The following STK32B variants were observed in gnomAD, a reference collection of about 807,000 sequenced individuals.
STK32B encodes the protein serine/threonine kinase 32B.
In STK32B, 43 loss-of-function variants were observed where a neutral mutation model predicts 52.6. The ratio of observed to expected loss-of-function variants is 0.82; its 90% CI spans 0.64 to 1.05. STK32B has a LOEUF of 1.05. Ranked by LOEUF, STK32B falls within the 50% of genes least tolerant of loss-of-function variation. The probability of loss-of-function intolerance (pLI) is 0.00; values close to 1 mark genes in which losing one functional copy is unlikely to be tolerated. For synonymous variants in STK32B, 238 were observed against 204.3 expected, an observed-to-expected ratio of 1.17 and a Z score of -1.41; for missense variants, 621 against 534.6, an observed-to-expected ratio of 1.16 and a Z score of -1.59.
In STK32B at chr4:5,437,154, G is replaced by A. The variant is rs1476128403; in HGVS notation, c.563-9519G>A. 2.6e-5 allele frequency among the ~76,000 whole-genome samples: 4 copies of A among 152,344 alleles called. No individual in the cohort carries two copies. In the East Asian group the frequency reaches 5.8e-4, roughly 22 times the overall value. Reference sequence around the variant, plus strand: ...GACCCTGGAGTCAGAAAACCAAGAGGTGCTAATCCCAGCTCTGCTGTGCTA... The same window carrying A: ...GACCCTGGAGTCAGAAAACCAAGAGATGCTAATCCCAGCTCTGCTGTGCTA... On this transcript the variant is annotated intron_variant, in intron 6 of 11. Transcript: ENST00000282908.
At chr4:5,307,494 G>GT (rs908735763) in intron 3 of STK32B, among the ~76,000 whole-genome samples, 4 of 143,566 alleles carry the variant, frequency 2.8e-5, no homozygotes, top group African/African-American at 7.8e-5. Context: ...AGTGGTGATT[G>GT]TTTTTTATTT....
chr4:5,323,644 A>G (rs1731673346), intron 3 of STK32B, among the ~76,000 whole-genome samples: 1 of 152,142 alleles, frequency 6.6e-6, no homozygotes, highest in Non-Finnish European at 1.5e-5. Context: ...ACAATGCCCC[A>G]CTTCTGTGTA....
intron 3 of STK32B, among the ~76,000 whole-genome samples, chr4:5,241,896 G>A (rs191304343): frequency 6.6e-6 from 1 of 152,272 alleles, no homozygotes; most frequent in African/African-American, 2.4e-5. Context: ...TCCCTACAAA[G>A]GACATGAACT....
At chr4:5,223,609 C>T (rs914435215) in intron 3 of STK32B, among the ~76,000 whole-genome samples, 42 of 151,744 alleles carry the variant, frequency 2.8e-4, no homozygotes, top group African/African-American at 2.4e-4. Context: ...GTCAGGAGAT[C>T]GAGACCATCC....
intron 4 of STK32B, among the ~76,000 whole-genome samples, chr4:5,333,752 G>A (rs1207897475): frequency 6.6e-6 from 1 of 152,124 alleles, no homozygotes; most frequent in Non-Finnish European, 1.5e-5. Flanking sequence ...CCCATTGCTT[G>A]TTTTTCTCAG....
At chr4:5,070,616 G>T (rs1451093437) in intron 1 of STK32B, among the ~76,000 whole-genome samples, 2 of 152,144 alleles carry the variant, frequency 1.3e-5, no homozygotes, top group Non-Finnish European at 2.9e-5. Flanking sequence ...AGTTGTTAGG[G>T]TGGGCCCAAT....
upstream of STK32B, among the ~76,000 whole-genome samples, chr4:5,046,990 A>G (rs938758508): frequency 6.6e-6 from 1 of 152,226 alleles, no homozygotes; most frequent in African/African-American, 2.4e-5. Flanking sequence ...ATTATTGGGT[A>G]TATACCCAAA....
chr4:5,423,752 G>T (rs1712837914), intron 6 of STK32B, among the ~76,000 whole-genome samples: 2 of 152,152 alleles, frequency 1.3e-5, no homozygotes, highest in African/African-American at 4.8e-5. Flanking sequence ...CCAAATGTCA[G>T]TTCCCTTCCC....
At chr4:5,033,768 G>T in the STK32B span, among the ~76,000 whole-genome samples, 1 of 152,168 alleles carries the variant, frequency 6.6e-6, no homozygotes, top group Non-Finnish European at 1.5e-5. Flanking sequence ...TACTTGAAAC[G>T]CTGAGGCTGG....
chr4:5,190,288 C>T (rs968875245), intron 3 of STK32B, among the ~76,000 whole-genome samples: 35 of 152,226 alleles, frequency 2.3e-4, no homozygotes, highest in Non-Finnish European at 3.7e-4. Context: ...TTATTAAGCA[C>T]TTATGGGGTA....
chr4:5,323,125 A>C (rs1333717297), intron 3 of STK32B, among the ~76,000 whole-genome samples: 10 of 152,114 alleles, frequency 6.6e-5, no homozygotes, highest in African/African-American at 2.2e-4. Context: ...TCTCGATTTT[A>C]GGACTAATTG....
rs1289491582 is a variant in STK32B at position 5,380,693 on chromosome 4, A to G, written c.435-17514A>G. On this transcript the variant is annotated intron_variant, in intron 4 of 11. Coordinates refer to ENST00000282908, the MANE Select transcript of STK32B (RefSeq NM_018401.3). This position sits in a 1 kb window ranked among gnomAD's most constrained non-coding sequence, Gnocchi z 4.3. ...TTTGATTTAATGCCCGGTACTTGCC[A>G]TCGTGAAATCCTTAAAGCTTTGAAC... is the stretch of plus-strand genomic sequence containing the variant. Among the ~76,000 whole-genome samples, 1 of 152,220 alleles carries G rather than the reference A, an allele frequency of 6.6e-6. No individual in the cohort carries two copies. Among genetic ancestry groups the G allele is most frequent in the Non-Finnish European group, 1.5e-5 (1 of 68,042 alleles).
At chr4:5,193,617 A>C (rs1285432141) in intron 3 of STK32B, among the ~76,000 whole-genome samples, 1 of 152,168 alleles carries the variant, frequency 6.6e-6, no homozygotes, top group Non-Finnish European at 1.5e-5. Flanking sequence ...AGTCGGTGCC[A>C]ATGTCCTGGC....
Position 5,394,440 on chromosome 4 carries a change from G to A in STK32B, c.435-3767G>A, listed in dbSNP as rs146316128. Reference sequence around the variant, plus strand: ...AGCTGGAGGAAACGGTCCTGAAACTGGCTAAACTAAAGGCTCTGCTAAGAT... The same window carrying A: ...AGCTGGAGGAAACGGTCCTGAAACTAGCTAAACTAAAGGCTCTGCTAAGAT... On this transcript the variant is annotated intron_variant, in intron 4 of 11. Coordinates refer to ENST00000282908, the MANE Select transcript of STK32B (RefSeq NM_018401.3). The surrounding 1 kb of genome is among the most constrained non-coding windows in gnomAD (Gnocchi z 4.2). Among the ~76,000 whole-genome samples, 200 of 152,294 alleles carry A rather than the reference G, an allele frequency of 1.3e-3. No individual in the cohort carries two copies. The highest frequency in any genetic ancestry group is 2.3e-3 in the Non-Finnish European group (157 of 68,026).
chr4:5,422,060 G>A (rs1316239683), intron 6 of STK32B, among the ~76,000 whole-genome samples: 2 of 152,260 alleles, frequency 1.3e-5, no homozygotes, highest in African/African-American at 2.4e-5. Context: ...GTATGTGAGA[G>A]TCGGGGTTAC....
intron 4 of STK32B, among the ~76,000 whole-genome samples, chr4:5,392,966 G>A (rs568663303): frequency 5.3e-5 from 8 of 152,224 alleles, no homozygotes; most frequent in Admixed American, 2.0e-4. Context: ...AAGGGAGAAA[G>A]AAGTAATGTT....
At position 5,398,526 on chromosome 4, in the gene STK32B, G is replaced by T. The variant is rs1737072238; in HGVS notation, c.472+282G>T. On this transcript the variant is annotated intron_variant, in intron 5 of 11. Coordinates refer to ENST00000282908, the MANE Select transcript of STK32B (RefSeq NM_018401.3). The surrounding 1 kb of genome is among the most constrained non-coding windows in gnomAD (Gnocchi z 4.9). ...GGGCCGCCGTGAGGATGAGCCCGGG[G>T]TTCCAACCCCAACTCCCTCACCTAT... Among the ~76,000 whole-genome samples the T allele has an allele frequency of 6.6e-6, 1 of 152,102 alleles. No homozygotes were observed. Among genetic ancestry groups the T allele is most frequent in the Non-Finnish European group, 1.5e-5 (1 of 68,036 alleles).
At chr4:5,246,969 G>T (rs1188775228) in intron 3 of STK32B, among the ~76,000 whole-genome samples, 1 of 152,146 alleles carries the variant, frequency 6.6e-6, no homozygotes, top group Non-Finnish European at 1.5e-5. Context: ...TGTATAAGGT[G>T]CCGGTCCGCC....
chr4:5,022,355 AC>A, the STK32B span, among the ~76,000 whole-genome samples: 1 of 152,102 alleles, frequency 6.6e-6, no homozygotes, highest in Non-Finnish European at 1.5e-5. Flanking sequence ...CCACTAAGAA[AC>A]CTACGCAGGA....
Sources: gnomAD v4.1 joint callset for allele counts (sites outside exome capture counted in the v4.1 genomes callset) on GRCh38, gnomAD v4.1.1 for gene constraint, Gnocchi (gnomAD v3.1) non-coding constraint, MANE v1.5 for transcripts, NCBI Gene and HGNC (gene_info 2026-07-23, HGNC 2026-07-21) for gene names.